Variants in RAD51B observed in about 807,000 individuals in gnomAD.
The protein encoded by RAD51B is RAD51 paralog B, also known as DNA repair protein RAD51 homolog 2.
RAD51B carries 38 observed loss-of-function variants against 42.2 expected under a neutral mutation model. The observed-to-expected ratio is 0.90, with a 90% CI of 0.70 to 1.18. RAD51B has a LOEUF of 1.18. Among genes scored for constraint, RAD51B ranks in the 50% most tolerant of loss-of-function variants. The pLI is 0.00. For synonymous variants in RAD51B, 154 were observed against 145.2 expected (o/e 1.06, Z -0.43); for missense variants, 373 against 400.7 (o/e 0.93, Z 0.59).
intron 8 of RAD51B, among the ~76,000 whole-genome samples, chr14:68,335,387 TA>T (rs1163595732): frequency 2.0e-5 from 3 of 152,082 alleles, no homozygotes; most frequent in African/African-American, 7.2e-5. Context: ...TTCTCAAAAT[TA>T]AAAAAGCAGA....
chr14:68,312,060 C>T (rs1004533157), intron 8 of RAD51B, among the ~76,000 whole-genome samples: 26 of 152,156 alleles, frequency 1.7e-4, no homozygotes, highest in African/African-American at 6.0e-4. Flanking sequence ...TGTTCTTCAT[C>T]CACAAAGGCC....
chr14:68,382,276 T>C (rs1354409385), intron 8 of RAD51B, among the ~76,000 whole-genome samples: 1 of 152,218 alleles, frequency 6.6e-6, no homozygotes. Context: ...TCCCTTCATT[T>C]GTGACAACCA....
chr14:68,189,244 G>A (rs1023493261), intron 7 of RAD51B, among the ~76,000 whole-genome samples: 20 of 152,226 alleles, frequency 1.3e-4, no homozygotes, highest in Admixed American at 1.2e-3. Flanking sequence ...CCTTCAGAGG[G>A]TAGGAACAAT....
At chr14:67,879,513 G>A (rs61341378) in intron 5 of RAD51B, among the ~76,000 whole-genome samples, 2,355 of 152,056 alleles carry the variant, frequency 0.015, 68 homozygotes, top group African/African-American at 0.053. Flanking sequence ...CATGATCATA[G>A]TTCACTGTAA....
chr14:68,653,735 C>T (rs1282826506), intron 11 of RAD51B, among the ~76,000 whole-genome samples: 1 of 152,204 alleles, frequency 6.6e-6, no homozygotes, highest in East Asian at 1.9e-4. Context: ...TCAAAGAAGC[C>T]CTACCATGGA....
At chr14:68,270,817 TTTTTATCTCCTTGCAGTATGCA>T (rs2081090704) in intron 7 of RAD51B, among the ~76,000 whole-genome samples, 1 of 152,234 alleles carries the variant, frequency 6.6e-6, no homozygotes, top group Non-Finnish European at 1.5e-5. Flanking sequence ...TGTGTATTTT[TTTTTATCTCCTTGCAGTATGCA>T]TTTTTGCAAG....
At chr14:68,053,185 A>G (rs994839888) in intron 7 of RAD51B, among the ~76,000 whole-genome samples, 49 of 152,084 alleles carry the variant, frequency 3.2e-4, no homozygotes, top group Non-Finnish European at 8.8e-5. Context: ...TTCTTTTGGG[A>G]ACTGGGAAGC....
chr14:68,411,344 A>G lies in RAD51B; in HGVS notation c.854-80A>G, dbSNP rs111591318. On this transcript the variant is annotated intron_variant, in intron 8 of 10. Transcript: ENST00000471583. ...CCAAGTACTCTCTGGACTACTGGCA[A>G]TGAGTAATGTCTGGACTTCATGTGA... 278 of 1,179,504 alleles carry G rather than the reference A, an allele frequency of 2.4e-4. 1 individual carries two copies. In the African/African-American group the frequency reaches 3.7e-3, roughly 16 times the overall value. The allele number at this position is 1,179,504 out of a possible 1,614,324, so 73.1% of individuals were successfully genotyped here.
chr14:68,667,162 C>T (rs939370752), intron 11 of RAD51B, among the ~76,000 whole-genome samples: 18 of 152,234 alleles, frequency 1.2e-4, no homozygotes, highest in East Asian at 7.7e-4. Context: ...TATGTGACGG[C>T]GGTGGAGGGA....
chr14:68,483,068 GA>G (rs1883328267), downstream of RAD51B, among the ~76,000 whole-genome samples: 2 of 152,134 alleles, frequency 1.3e-5, no homozygotes, highest in African/African-American at 4.8e-5. Flanking sequence ...GAAAGAGAGA[GA>G]GATTGAGCAC....
intron 7 of RAD51B, among the ~76,000 whole-genome samples, chr14:68,139,044 G>A (rs2078069837): frequency 6.7e-6 from 1 of 149,604 alleles, no homozygotes; most frequent in African/African-American, 2.5e-5. Flanking sequence ...ATTTTTTTTT[G>A]TAATTATAGC....
intron 10 of RAD51B, among the ~76,000 whole-genome samples, chr14:68,555,576 G>T (rs907699297): frequency 6.6e-6 from 1 of 152,182 alleles, no homozygotes; most frequent in Non-Finnish European, 1.5e-5. Flanking sequence ...CCTGCCTTTG[G>T]GGACAGCAGG....
At chr14:67,837,171 G>GCACA (rs143652969) in intron 4 of RAD51B, among the ~76,000 whole-genome samples, 2 of 150,322 alleles carry the variant, frequency 1.3e-5, no homozygotes, top group Non-Finnish European at 3.0e-5. Flanking sequence ...ACACACACAC[G>GCACA]CACACACACA....
intron 4 of RAD51B, among the ~76,000 whole-genome samples, chr14:67,844,064 G>C (rs2041524032): frequency 6.6e-6 from 1 of 152,012 alleles, no homozygotes; most frequent in Admixed American, 6.6e-5. Flanking sequence ...ATTCTCATTA[G>C]TTTCAAAGAA....
chr14:68,229,488 A>G (rs1027438958), intron 7 of RAD51B, among the ~76,000 whole-genome samples: 1 of 152,254 alleles, frequency 6.6e-6, no homozygotes, highest in African/African-American at 2.4e-5. Flanking sequence ...TGGCTTACTC[A>G]TCTTCATTAT....
chr14:68,176,183 A>C (rs1045765230), intron 7 of RAD51B, among the ~76,000 whole-genome samples: 1 of 152,160 alleles, frequency 6.6e-6, no homozygotes, highest in Non-Finnish European at 1.5e-5. Context: ...GAGGAGGCAG[A>C]TTTTATCTCT....
intron 7 of RAD51B, among the ~76,000 whole-genome samples, chr14:68,128,753 TG>T (rs2077825266): frequency 6.6e-6 from 1 of 152,202 alleles, no homozygotes; most frequent in South Asian, 2.1e-4. Flanking sequence ...TCAAATGATA[TG>T]AACTTGGTAA....
At chr14:68,528,468 A>C (rs1887076502) in intron 10 of RAD51B, among the ~76,000 whole-genome samples, 1 of 152,230 alleles carries the variant, frequency 6.6e-6, no homozygotes, top group Non-Finnish European at 1.5e-5. Flanking sequence ...CATAAATCAT[A>C]AAGTATAAAT....
At chr14:68,166,933 G>T (rs2078765665) in intron 7 of RAD51B, among the ~76,000 whole-genome samples, 3 of 151,972 alleles carry the variant, frequency 2.0e-5, no homozygotes, top group Admixed American at 1.3e-4. Flanking sequence ...AATACTTTAT[G>T]CCCCTTATCT....
Sources: gnomAD v4.1 joint callset for allele counts (sites outside exome capture counted in the v4.1 genomes callset) on GRCh38, gnomAD v4.1.1 for gene constraint, MANE v1.5 for transcripts, NCBI Gene and HGNC (gene_info 2026-07-23, HGNC 2026-07-21) for gene names.